The following RAB38 variants were observed in gnomAD, a reference collection of about 807,000 sequenced individuals.
RAB38 encodes the protein RAB38, member RAS oncogene family.
A neutral mutation model predicts 18.4 loss-of-function variants in RAB38; 15 were observed. The observed-to-expected ratio is 0.82, with a 90% confidence interval of 0.55 to 1.26. The LOEUF is 1.26. RAB38 is among the 50% of genes most tolerant of loss of function. The pLI is 0.00. For missense variants in RAB38, 294 were observed against 267.4 expected (o/e 1.10, Z -0.69); for synonymous variants, 101 against 104.4 (o/e 0.97, Z 0.20).
chr11:88,155,783 T>C (rs1943118247), intron 1 of RAB38, among the ~76,000 whole-genome samples: 1 of 152,150 alleles, frequency 6.6e-6, no homozygotes, highest in Non-Finnish European at 1.5e-5. Flanking sequence ...AAGAAACGTC[T>C]AAAGCAGTCC....
At chr11:88,053,189 ACAC>A in the RAB38 span, among the ~76,000 whole-genome samples, 1 of 113,670 alleles carries the variant, frequency 8.8e-6, no homozygotes, top group African/African-American at 3.4e-5. Flanking sequence ...ATATATATAC[ACAC>A]ATATATATGG....
At chr11:88,008,908 G>A in the RAB38 span, among the ~76,000 whole-genome samples, 1 of 152,118 alleles carries the variant, frequency 6.6e-6, no homozygotes, top group African/African-American at 2.4e-5. Flanking sequence ...TCTTGACCTC[G>A]TGATCCGCCC....
the RAB38 span, among the ~76,000 whole-genome samples, chr11:88,040,171 G>A: frequency 6.6e-6 from 1 of 152,182 alleles, no homozygotes; most frequent in Non-Finnish European, 1.5e-5. Flanking sequence ...CAACAGACTA[G>A]GTGGCTTAAA....
intron 2 of RAB38, among the ~76,000 whole-genome samples, chr11:88,139,931 T>C (rs1234036006): frequency 4.6e-5 from 7 of 152,154 alleles, no homozygotes; most frequent in Non-Finnish European, 2.9e-5. Context: ...TTGACAGCCA[T>C]TGCAGGTGGC....
the RAB38 span, among the ~76,000 whole-genome samples, chr11:87,972,609 A>C: frequency 1.3e-5 from 2 of 152,066 alleles, no homozygotes; most frequent in Non-Finnish European, 2.9e-5. Context: ...TTCATCAATA[A>C]GCAGCTAATT....
At chr11:88,036,436 A>G in the RAB38 span, among the ~76,000 whole-genome samples, 1 of 152,166 alleles carries the variant, frequency 6.6e-6, no homozygotes, top group Non-Finnish European at 1.5e-5. Flanking sequence ...ATACAATACC[A>G]TAGCATTTGT....
At chr11:88,052,519 C>T in the RAB38 span, among the ~76,000 whole-genome samples, 3 of 152,056 alleles carry the variant, frequency 2.0e-5, no homozygotes, top group Non-Finnish European at 4.4e-5. Flanking sequence ...CTTTTTCACT[C>T]AAAAGCTTAC....
the RAB38 span, among the ~76,000 whole-genome samples, chr11:87,893,240 A>G: frequency 6.6e-6 from 1 of 150,888 alleles, no homozygotes; most frequent in South Asian, 2.1e-4. Flanking sequence ...TTTGTAACTC[A>G]GAGTTTTAGT....
chr11:87,870,661 G>T, the RAB38 span, among the ~76,000 whole-genome samples: 1 of 151,490 alleles, frequency 6.6e-6, no homozygotes, highest in Non-Finnish European at 1.5e-5. Flanking sequence ...ACATAAATTG[G>T]AGCAGGAAAG....
chr11:87,977,389 TTATA>T, the RAB38 span, among the ~76,000 whole-genome samples: 1 of 45,930 alleles, frequency 2.2e-5, no homozygotes, highest in East Asian at 4.6e-4. Context: ...TAAAATATAA[TTATA>T]TATATAATTA....
chr11:88,161,112 C>T (rs1324535819), intron 1 of RAB38, among the ~76,000 whole-genome samples: 1 of 152,076 alleles, frequency 6.6e-6, no homozygotes, highest in Non-Finnish European at 1.5e-5. Flanking sequence ...GAAAAATACA[C>T]CTTCATTGAT....
At chr11:87,969,706 T>C in the RAB38 span, among the ~76,000 whole-genome samples, 1 of 152,166 alleles carries the variant, frequency 6.6e-6, no homozygotes, top group East Asian at 1.9e-4. Context: ...ACAGAACAGA[T>C]GCATTTCTAA....
At chr11:88,108,186 T>C in the RAB38 span, among the ~76,000 whole-genome samples, 1 of 152,082 alleles carries the variant, frequency 6.6e-6, no homozygotes. Flanking sequence ...GTTAATTTTC[T>C]GTCTCATTGA....
At chr11:87,976,472 A>T in the RAB38 span, among the ~76,000 whole-genome samples, 1 of 129,334 alleles carries the variant, frequency 7.7e-6, no homozygotes, top group Non-Finnish European at 1.6e-5. Context: ...TATTTTACAT[A>T]TAGTTATATA....
chr11:88,086,397 G>A, the RAB38 span, among the ~76,000 whole-genome samples: 187 of 152,010 alleles, frequency 1.2e-3, no homozygotes, highest in African/African-American at 4.0e-3. Flanking sequence ...CCTTGGACAA[G>A]GGTATTGATA....
the RAB38 span, among the ~76,000 whole-genome samples, chr11:88,063,528 A>G: frequency 1.3e-5 from 2 of 152,162 alleles, no homozygotes; most frequent in African/African-American, 4.8e-5. Context: ...CAGTAAAGCC[A>G]GGGCTTAAGC....
the RAB38 span, among the ~76,000 whole-genome samples, chr11:87,893,390 A>ATT: frequency 2.1e-5 from 2 of 93,890 alleles, no homozygotes; most frequent in East Asian, 3.3e-4. Context: ...ATATATATAT[A>ATT]TTTTTTTTTT....
chr11:87,951,673 G>A, the RAB38 span, among the ~76,000 whole-genome samples: 2 of 152,200 alleles, frequency 1.3e-5, no homozygotes, highest in Non-Finnish European at 2.9e-5. Flanking sequence ...TCCAGACCCT[G>A]TTTGCCTGGG....
the RAB38 span, among the ~76,000 whole-genome samples, chr11:87,975,157 T>C: frequency 1.4e-3 from 219 of 152,044 alleles, no homozygotes; most frequent in Non-Finnish European, 2.6e-3. Context: ...CCTCTTCTGA[T>C]AAGGAAGTCA....
Sources: gnomAD v4.1 joint callset for allele counts (sites outside exome capture counted in the v4.1 genomes callset) on GRCh38, gnomAD v4.1.1 for gene constraint, MANE v1.5 for transcripts, NCBI Gene and HGNC (gene_info 2026-07-23, HGNC 2026-07-21) for gene names.